OR1J2: variants seen among roughly 807,000 people sequenced by gnomAD.
The protein encoded by OR1J2 is olfactory receptor family 1 subfamily J member 2, also known as olfactory receptor 1J2.
For synonymous variants in OR1J2, 142 were observed against 99.7 expected (o/e 1.42, Z -2.52); for missense variants, 304 against 246.1 (o/e 1.24, Z -1.57).
At chr9:122,502,445 G>A in the OR1J2 span, among the ~76,000 whole-genome samples, 3 of 152,108 alleles carry the variant, frequency 2.0e-5, no homozygotes, top group African/African-American at 7.2e-5. Flanking sequence ...ATTAGAACAC[G>A]TACCTTGTTC....
At chr9:122,474,072 A>G in the OR1J2 span, among the ~76,000 whole-genome samples, 1 of 152,168 alleles carries the variant, frequency 6.6e-6, no homozygotes, top group East Asian at 1.9e-4. Context: ...AGTCTCACCC[A>G]TTTCTCTGGG....
the OR1J2 span, among the ~76,000 whole-genome samples, chr9:122,457,752 G>A: frequency 6.6e-6 from 1 of 151,848 alleles, no homozygotes; most frequent in Non-Finnish European, 1.5e-5. Flanking sequence ...TAAAGGGATG[G>A]GAATTAGAAA....
the OR1J2 span, among the ~76,000 whole-genome samples, chr9:122,492,528 C>T: frequency 6.6e-6 from 1 of 152,120 alleles, no homozygotes; most frequent in South Asian, 2.1e-4. Flanking sequence ...AATAGGATTT[C>T]TAGGTCAAAT....
At chr9:122,479,102 C>T in the OR1J2 span, among the ~76,000 whole-genome samples, 47 of 152,206 alleles carry the variant, frequency 3.1e-4, no homozygotes, top group African/African-American at 8.9e-4. Flanking sequence ...CAATGTGTAG[C>T]GCGAAAACAT....
At chr9:122,576,593 A>G in the OR1J2 span, among the ~76,000 whole-genome samples, 2 of 152,112 alleles carry the variant, frequency 1.3e-5, no homozygotes. Flanking sequence ...TATCTTGGCT[A>G]TTATGAATAC....
At chr9:122,553,319 C>T in the OR1J2 span, 1 of 1,614,026 alleles carries the variant, frequency 6.2e-7, no homozygotes, top group Non-Finnish European at 8.5e-7. Flanking sequence ...TCTTCCTTGG[C>T]ATGTACCTGG....
the OR1J2 span, among the ~76,000 whole-genome samples, chr9:122,478,253 G>A: frequency 6.6e-6 from 1 of 152,154 alleles, no homozygotes; most frequent in Non-Finnish European, 1.5e-5. Flanking sequence ...GAGCTGGGTG[G>A]TACTGTTATT....
the OR1J2 span, among the ~76,000 whole-genome samples, chr9:122,480,131 A>G: frequency 1.3e-5 from 2 of 152,208 alleles, no homozygotes; most frequent in African/African-American, 4.8e-5. Flanking sequence ...GCAGGGATTC[A>G]CTATAACATA....
the OR1J2 span, among the ~76,000 whole-genome samples, chr9:122,448,223 C>G: frequency 6.6e-6 from 1 of 152,094 alleles, no homozygotes; most frequent in African/African-American, 2.4e-5. Context: ...CAAATAAATT[C>G]AAGGGAAGGT....
chr9:122,528,911 T>C, the OR1J2 span, among the ~76,000 whole-genome samples: 1 of 152,224 alleles, frequency 6.6e-6, no homozygotes, highest in East Asian at 1.9e-4. Flanking sequence ...CAGCTATCTT[T>C]TCATTTTTAG....
chr9:122,569,020 G>A, the OR1J2 span, among the ~76,000 whole-genome samples: 73 of 152,256 alleles, frequency 4.8e-4, no homozygotes, highest in Admixed American at 1.1e-3. Flanking sequence ...AGCATACTCA[G>A]TTGTGTCACG....
the OR1J2 span, among the ~76,000 whole-genome samples, chr9:122,464,305 G>A: frequency 3.9e-5 from 6 of 152,114 alleles, no homozygotes; most frequent in African/African-American, 7.2e-5. Flanking sequence ...GTGCTCCCCC[G>A]CCCCCACCGC....
the OR1J2 span, chr9:122,475,211 T>A: frequency 6.6e-6 from 1 of 152,112 alleles, no homozygotes; most frequent in Non-Finnish European, 1.5e-5. Flanking sequence ...AGGGGCAGGG[T>A]TAGGCATGGG....
chr9:122,535,037 G>C, the OR1J2 span, among the ~76,000 whole-genome samples: 5 of 152,150 alleles, frequency 3.3e-5, no homozygotes, highest in East Asian at 9.7e-4. Flanking sequence ...AAGAACACAG[G>C]CTAAGGGAGA....
the OR1J2 span, among the ~76,000 whole-genome samples, chr9:122,529,537 C>A: frequency 3.9e-5 from 6 of 152,202 alleles, no homozygotes; most frequent in Non-Finnish European, 8.8e-5. Context: ...GGGTCCAAAG[C>A]AGCCTAGCTT....
the OR1J2 span, among the ~76,000 whole-genome samples, chr9:122,531,600 G>A: frequency 6.6e-6 from 1 of 152,326 alleles, no homozygotes; most frequent in Middle Eastern, 3.4e-3. Context: ...AGGGAAAGTG[G>A]TAAAAGTATT....
the OR1J2 span, among the ~76,000 whole-genome samples, chr9:122,497,752 A>G: frequency 6.6e-6 from 1 of 152,042 alleles, no homozygotes; most frequent in Non-Finnish European, 1.5e-5. Context: ...TCTAAGTGTG[A>G]TGTTAGGTCA....
chr9:122,490,007 C>CA, the OR1J2 span, among the ~76,000 whole-genome samples: 1 of 152,196 alleles, frequency 6.6e-6, no homozygotes, highest in Non-Finnish European at 1.5e-5. Context: ...CTGTGGTAAG[C>CA]ATATCTAATG....
the OR1J2 span, among the ~76,000 whole-genome samples, chr9:122,517,193 G>T: frequency 1.3e-5 from 2 of 152,154 alleles, no homozygotes; most frequent in African/African-American, 4.8e-5. Context: ...AAGTGATGTT[G>T]CCAGGACTTG....
Sources: allele counts gnomAD v4.1 joint callset (sites outside exome capture counted in the v4.1 genomes callset), GRCh38; gene constraint gnomAD v4.1.1; transcripts MANE v1.5; gene names NCBI Gene and HGNC (gene_info 2026-07-23, HGNC 2026-07-21).